Variants in LSAMP observed in about 807,000 individuals in gnomAD.
The protein encoded by LSAMP is limbic system associated membrane protein.
LSAMP carries 7 observed loss-of-function variants against 38.6 expected under a neutral mutation model. The ratio of observed to expected loss-of-function variants is 0.18; its 90% confidence interval spans 0.10 to 0.34. The LOEUF (loss-of-function observed/expected upper bound fraction) is 0.34, where lower values mean the gene tolerates loss of function less well. Ranked by LOEUF, LSAMP falls within the 10% of genes least tolerant of loss-of-function variation. The probability of loss-of-function intolerance (pLI) is 1.00; values close to 1 mark genes in which losing one functional copy is unlikely to be tolerated. For synonymous variants in LSAMP, 154 were observed against 166.8 expected, an observed-to-expected ratio of 0.92 and a Z score of 0.59; for missense variants, 313 against 420.0, an observed-to-expected ratio of 0.75 and a Z score of 2.23.
chr3:115,939,530 CTCTTTCTTTCTTTCTTTCTTTCTT>C (rs377683505), intron 3 of LSAMP, among the ~76,000 whole-genome samples: 1 of 99,620 alleles, frequency 1.0e-5, no homozygotes, highest in Non-Finnish European at 2.0e-5. Context: ...TGTTCTCTTT[CTCTTTCTTTCTTTCTTTCTTTCTT>C]TCTTTCTTTC....
intron 1 of LSAMP, among the ~76,000 whole-genome samples, chr3:116,155,786 C>T (rs1265077268): frequency 6.6e-6 from 1 of 152,098 alleles, no homozygotes; most frequent in Non-Finnish European, 1.5e-5. Context: ...ACTTTCTCCA[C>T]TTCTCTAGTT....
At chr3:116,118,399 T>C (rs947536072) in intron 1 of LSAMP, among the ~76,000 whole-genome samples, 1 of 152,236 alleles carries the variant, frequency 6.6e-6, no homozygotes, top group Non-Finnish European at 1.5e-5. Flanking sequence ...TTCCCATTAC[T>C]GGCTTACGCT....
In LSAMP at chr3:116,333,977, T is replaced by A. The variant is rs564344091; in HGVS notation, c.155+110900A>T. ...AAAATGTGTTCTTTGAGAAGGTGAATGAAAATGACAAATCTTTACCTATAT... is the reference window on the plus strand; with the variant it reads ...AAAATGTGTTCTTTGAGAAGGTGAAAGAAAATGACAAATCTTTACCTATAT... On this transcript the variant is annotated intron_variant, in intron 1 of 6. Transcript: ENST00000490035. 9.4e-4 allele frequency among the ~76,000 whole-genome samples: 142 copies of A among 151,522 alleles called. 4 individuals are homozygous for A. Among genetic ancestry groups the A allele is most frequent in the Admixed American group, 6.6e-4 (10 of 15,194 alleles).
intron 1 of LSAMP, among the ~76,000 whole-genome samples, chr3:116,106,417 G>A (rs371639419): frequency 1.3e-5 from 2 of 152,206 alleles, no homozygotes; most frequent in African/African-American, 4.8e-5. Flanking sequence ...ATGAGACTGG[G>A]GCCTAATAAA....
At chr3:116,431,892 T>C (rs1366752774) in intron 1 of LSAMP, among the ~76,000 whole-genome samples, 1 of 151,996 alleles carries the variant, frequency 6.6e-6, no homozygotes, top group Non-Finnish European at 1.5e-5. Flanking sequence ...TTTTAAAAAA[T>C]ACAGTTATTT....
chr3:116,379,163 T>C (rs2048527502), intron 1 of LSAMP, among the ~76,000 whole-genome samples: 1 of 152,078 alleles, frequency 6.6e-6, no homozygotes, highest in African/African-American at 2.4e-5. Flanking sequence ...TTTAATTGTA[T>C]TATTGACTAT....
intron 2 of LSAMP, among the ~76,000 whole-genome samples, chr3:116,049,959 TC>T (rs1941361626): frequency 6.6e-6 from 1 of 152,180 alleles, no homozygotes; most frequent in Non-Finnish European, 1.5e-5. Flanking sequence ...TGGGAATTAT[TC>T]TTTTGCTGGA....
At chr3:116,092,525 CTT>C (rs1559739594) in intron 1 of LSAMP, among the ~76,000 whole-genome samples, 1 of 152,116 alleles carries the variant, frequency 6.6e-6, no homozygotes, top group Non-Finnish European at 1.5e-5. Context: ...AAAATCATCT[CTT>C]AAAAAAATTA....
chr3:115,990,622 C>T (rs1939639859), intron 3 of LSAMP, among the ~76,000 whole-genome samples: 1 of 151,970 alleles, frequency 6.6e-6, no homozygotes. Flanking sequence ...GGTGAAAATG[C>T]ACCTGAACTT....
chr3:116,263,713 G>C (rs1369437405), intron 1 of LSAMP, among the ~76,000 whole-genome samples: 1 of 151,968 alleles, frequency 6.6e-6, no homozygotes, highest in Non-Finnish European at 1.5e-5. Context: ...CTAGATAAAT[G>C]ACCTTGCATT....
intron 3 of LSAMP, among the ~76,000 whole-genome samples, chr3:115,915,058 G>A (rs1282706685): frequency 3.3e-5 from 5 of 152,198 alleles, no homozygotes; most frequent in African/African-American, 4.8e-5. Context: ...ATCTTGCTGC[G>A]ATATAGAAAC....
chr3:115,876,646 T>A (rs1936187565), intron 3 of LSAMP, among the ~76,000 whole-genome samples: 1 of 152,140 alleles, frequency 6.6e-6, no homozygotes, highest in Non-Finnish European at 1.5e-5. Context: ...ATGATTTTAC[T>A]CTTAAGATCT....
At chr3:115,955,873 T>C (rs1351966746) in intron 3 of LSAMP, among the ~76,000 whole-genome samples, 1 of 152,184 alleles carries the variant, frequency 6.6e-6, no homozygotes, top group African/African-American at 2.4e-5. Flanking sequence ...ATCCCTCATT[T>C]AAACATTTGG....
At chr3:115,946,680 G>A (rs57249626) in intron 3 of LSAMP, among the ~76,000 whole-genome samples, 5,051 of 151,992 alleles carry the variant, frequency 0.033, 271 homozygotes, top group African/African-American at 0.11. Flanking sequence ...GCCCTTCGTT[G>A]GAAAATTTTT....
At chr3:116,036,975 C>T (rs1941061929) in intron 2 of LSAMP, among the ~76,000 whole-genome samples, 1 of 152,088 alleles carries the variant, frequency 6.6e-6, no homozygotes, top group Admixed American at 6.6e-5. Flanking sequence ...ATCTTTTGTA[C>T]CTGCAGATCT....
At chr3:116,179,601 T>C (rs1559772195) in intron 1 of LSAMP, among the ~76,000 whole-genome samples, 2 of 152,054 alleles carry the variant, frequency 1.3e-5, no homozygotes, top group Admixed American at 6.5e-5. Flanking sequence ...GAAGCAGGCA[T>C]GTCTTACATG....
intron 6 of LSAMP, among the ~76,000 whole-genome samples, chr3:115,832,929 C>T (rs1419767512): frequency 2.0e-5 from 3 of 152,126 alleles, no homozygotes; most frequent in South Asian, 4.1e-4. Context: ...CGACAGCTGT[C>T]TTTTGTGAAT....
At chr3:116,225,780 GTATT>G (rs1329765545) in intron 1 of LSAMP, among the ~76,000 whole-genome samples, 3 of 150,954 alleles carry the variant, frequency 2.0e-5, no homozygotes, top group Non-Finnish European at 4.4e-5. Flanking sequence ...GCAATTAAAA[GTATT>G]TAAATCGTGA....
chr3:115,901,939 A>G (rs75261799), intron 3 of LSAMP, among the ~76,000 whole-genome samples: 2 of 152,140 alleles, frequency 1.3e-5, no homozygotes, highest in South Asian at 4.1e-4. Flanking sequence ...TATTTCTGGT[A>G]AAAATGCAAT....
Sources: gnomAD v4.1 joint callset for allele counts (sites outside exome capture counted in the v4.1 genomes callset) on GRCh38, gnomAD v4.1.1 for gene constraint, MANE v1.5 for transcripts, NCBI Gene and HGNC (gene_info 2026-07-23, HGNC 2026-07-21) for gene names.